Variants in AGBL1 observed in about 807,000 individuals in gnomAD.
The protein encoded by AGBL1 is AGBL carboxypeptidase 1.
Under a neutral mutation model 118.9 loss-of-function variants are expected in AGBL1, and 130 were observed. The ratio of observed to expected loss-of-function variants is 1.09; its 90% CI spans 0.95 to 1.26. The LOEUF (loss-of-function observed/expected upper bound fraction) is 1.26, where lower values mean the gene tolerates loss of function less well. Among genes scored for constraint, AGBL1 ranks in the 50% most tolerant of loss-of-function variants. The pLI is 0.00. For missense variants in AGBL1, 1,584 were observed against 1,298.1 expected (o/e 1.22, Z -3.38); for synonymous variants, 555 against 478.9 (o/e 1.16, Z -2.08).
chr15:86,281,217 C>T (rs1450697693), intron 16 of AGBL1, among the ~76,000 whole-genome samples: 1 of 152,098 alleles, frequency 6.6e-6, no homozygotes, highest in East Asian at 1.9e-4. Context: ...ACCACCATCT[C>T]TACAAAAAAT....
chr15:86,250,564 A>T (rs976352463), intron 7 of AGBL1, among the ~76,000 whole-genome samples: 1 of 130,422 alleles, frequency 7.7e-6, no homozygotes, highest in African/African-American at 3.0e-5. Flanking sequence ...AAAAAAAAAA[A>T]AAAAAAAAAG....
intron 21 of AGBL1, among the ~76,000 whole-genome samples, chr15:86,591,627 A>C (rs553951874): frequency 6.6e-6 from 1 of 152,222 alleles, no homozygotes; most frequent in South Asian, 2.1e-4. Context: ...GTATGGAGGA[A>C]GTGGCACAGA....
chr15:86,353,219 G>T (rs2080659491), intron 17 of AGBL1, among the ~76,000 whole-genome samples: 1 of 152,096 alleles, frequency 6.6e-6, no homozygotes, highest in Admixed American at 6.6e-5. Flanking sequence ...ATTGGCTTTG[G>T]GCTATCAGAA....
chr15:86,939,692 T>C (rs750501675), intron 23 of AGBL1: 4 of 152,266 alleles, frequency 2.6e-5, no homozygotes, highest in African/African-American at 7.2e-5. Flanking sequence ...CCTGCAGATA[T>C]GCCAACTTAT....
intron 23 of AGBL1, among the ~76,000 whole-genome samples, chr15:86,935,804 T>C (rs2080665907): frequency 6.6e-6 from 1 of 152,184 alleles, no homozygotes; most frequent in Non-Finnish European, 1.5e-5. Flanking sequence ...GTGACAATTG[T>C]ATGTGGGTTT....
chr15:86,907,827 A>C lies in AGBL1; in HGVS notation c.*533A>C, dbSNP rs2080301567. On this transcript the variant is annotated 3_prime_UTR_variant, in exon 23 of 23. Transcript: ENST00000614907. ...AGGTGCTGGGGCTTGAACATGAAAA[A>C]CTGTGCATCCAAGTAATTGCAGGTT... 1 of 152,120 alleles carries C rather than the reference A, an allele frequency of 6.6e-6. No individual in the cohort carries two copies. Among genetic ancestry groups the C allele is most frequent in the African/African-American group, 2.4e-5 (1 of 41,412 alleles). 9.4% of individuals were successfully genotyped at this position (152,120 alleles called of 1,614,324 possible). A position where few individuals can be genotyped will look rare whatever the true frequency, so the allele number is the denominator to read the frequency against.
chr15:86,758,045 T>G (rs1221811870), intron 22 of AGBL1, among the ~76,000 whole-genome samples: 1 of 152,110 alleles, frequency 6.6e-6, no homozygotes, highest in Non-Finnish European at 1.5e-5. Flanking sequence ...TGAAGTTCTT[T>G]TCATTTTACA....
At chr15:86,295,575 C>A in intron 17 of AGBL1, 167 bp downstream of exon 17, 1 of 559,690 alleles carries the variant, frequency 1.8e-6, no homozygotes, top group South Asian at 4.2e-5. Flanking sequence ...AAAGGTTAAA[C>A]ATTAATGTTG....
chr15:86,351,385 T>C (rs2080624104), intron 17 of AGBL1, among the ~76,000 whole-genome samples: 2 of 152,174 alleles, frequency 1.3e-5, no homozygotes, highest in Admixed American at 1.3e-4. Context: ...CAATTAAACA[T>C]AAATATGGGT....
intron 19 of AGBL1, among the ~76,000 whole-genome samples, chr15:86,525,073 G>A (rs1596224343): frequency 1.2e-4 from 18 of 151,872 alleles, no homozygotes; most frequent in Admixed American, 1.2e-3. Flanking sequence ...CAAAATCAAT[G>A]TACACTAATC....
At chr15:86,389,468 C>G (rs935796247) in intron 17 of AGBL1, among the ~76,000 whole-genome samples, 2 of 151,942 alleles carry the variant, frequency 1.3e-5, no homozygotes, top group African/African-American at 4.8e-5. Context: ...CACTTTCGGA[C>G]AAATCAGAAG....
At chr15:86,517,145 C>G (rs577455547) in intron 18 of AGBL1, among the ~76,000 whole-genome samples, 3 of 152,370 alleles carry the variant, frequency 2.0e-5, no homozygotes, top group South Asian at 2.1e-4. Context: ...GGAGCTGGCT[C>G]TGCTCCAGAT....
chr15:86,282,360 TA>T (rs1004354054), intron 16 of AGBL1, among the ~76,000 whole-genome samples: 13 of 152,236 alleles, frequency 8.5e-5, no homozygotes, highest in African/African-American at 3.1e-4. Flanking sequence ...CTGTTACTAT[TA>T]ATTACAATAA....
At chr15:86,749,494 C>T (rs372005234) in intron 22 of AGBL1, among the ~76,000 whole-genome samples, 2 of 151,866 alleles carry the variant, frequency 1.3e-5, no homozygotes, top group South Asian at 2.1e-4. Flanking sequence ...TAATTGAATA[C>T]CCTTTATTTC....
At position 86,244,623 on chromosome 15, in the gene AGBL1, G is replaced by A. The variant is rs184344058; in HGVS notation, c.527-3048G>A. ...AATAAAATCATTGGGATTTGATAAG[G>A]GATTTTTCTCCCAGAAAATTAAAGA... On this transcript the variant is annotated intron_variant, in intron 6 of 22. Transcript: ENST00000614907. Among the ~76,000 whole-genome samples the A allele has an allele frequency of 4.9e-3, 740 of 152,070 alleles. 14 individuals carry two copies. The highest frequency in any genetic ancestry group is 3.1e-3 in the Non-Finnish European group (209 of 67,994).
intron 21 of AGBL1, among the ~76,000 whole-genome samples, chr15:86,670,606 C>CACACAG (rs1430580325): frequency 7.6e-5 from 8 of 105,290 alleles, no homozygotes; most frequent in Non-Finnish European, 1.5e-4. Context: ...CTCTGACACA[C>CACACAG]ACACACACAC....
At chr15:86,566,883 A>G (rs2083925223) in intron 21 of AGBL1, among the ~76,000 whole-genome samples, 1 of 152,200 alleles carries the variant, frequency 6.6e-6, no homozygotes, top group Non-Finnish European at 1.5e-5. Flanking sequence ...AGTTCCAGGG[A>G]GAGCTCTACA....
chr15:86,177,124 G>T (rs1048256283), intron 5 of AGBL1, among the ~76,000 whole-genome samples: 5 of 152,174 alleles, frequency 3.3e-5, no homozygotes, highest in Admixed American at 6.5e-5. Context: ...CCAAGCTAAT[G>T]ATAATCAAAA....
At chr15:86,228,538 G>C (rs894783232) in intron 6 of AGBL1, among the ~76,000 whole-genome samples, 1 of 152,178 alleles carries the variant, frequency 6.6e-6, no homozygotes, top group African/African-American at 2.4e-5. Context: ...GTAAACACTA[G>C]GGTGGGTTGG....
Sources: gnomAD v4.1 joint callset for allele counts (sites outside exome capture counted in the v4.1 genomes callset) on GRCh38, gnomAD v4.1.1 for gene constraint, MANE v1.5 for transcripts, NCBI Gene and HGNC (gene_info 2026-07-23, HGNC 2026-07-21) for gene names.